The following SPATA31G1 variants were observed in gnomAD, a reference collection of about 807,000 sequenced individuals.
The protein encoded by SPATA31G1 is SPATA31 subfamily G member 1.
At chr9:35,045,939 G>C in the SPATA31G1 span, 2 of 1,488,788 alleles carry the variant, frequency 1.3e-6, no homozygotes, top group Non-Finnish European at 1.8e-6. Flanking sequence ...AGGTGGGGAT[G>C]TGGAGACAAG....
chr9:35,045,940 T>A, the SPATA31G1 span: 3 of 1,489,326 alleles, frequency 2.0e-6, no homozygotes. Flanking sequence ...GGTGGGGATG[T>A]GGAGACAAGA....
the SPATA31G1 span, chr9:35,042,902 G>C: frequency 3.1e-6 from 5 of 1,614,178 alleles, no homozygotes; most frequent in Non-Finnish European, 4.2e-6. Context: ...TTGATCACCT[G>C]TGTAAGCAGA....
At chr9:35,041,158 T>TA in the SPATA31G1 span, 1 of 452,336 alleles carries the variant, frequency 2.2e-6, no homozygotes, top group Non-Finnish European at 4.4e-6. Context: ...CTGAGAAAGG[T>TA]AAAAACACCT....
At chr9:35,043,459 C>T in the SPATA31G1 span, 2 of 1,614,190 alleles carry the variant, frequency 1.2e-6, no homozygotes, top group Non-Finnish European at 1.7e-6. Context: ...CCACCTCCAT[C>T]TTCTCCTTCT....
At chr9:35,042,173 C>T in the SPATA31G1 span, 1 of 1,529,876 alleles carries the variant, frequency 6.5e-7, no homozygotes, top group Non-Finnish European at 8.8e-7. Flanking sequence ...GCTGTTAAGC[C>T]CAGGCCTCTG....
chr9:35,042,759 G>A, the SPATA31G1 span: 1 of 1,465,328 alleles, frequency 6.8e-7, no homozygotes, highest in Non-Finnish European at 9.2e-7. Flanking sequence ...GATTAGGTGA[G>A]TAACTGTCCA....
chr9:35,042,683 T>G, the SPATA31G1 span: 2 of 1,161,120 alleles, frequency 1.7e-6, no homozygotes, highest in Non-Finnish European at 2.4e-6. Context: ...GATCTCCAAA[T>G]GAGGACTGGG....
the SPATA31G1 span, chr9:35,043,319 C>T: frequency 6.2e-7 from 1 of 1,614,214 alleles, no homozygotes; most frequent in East Asian, 2.2e-5. Context: ...CTGTCTTCTT[C>T]AACAAGCTTG....
chr9:35,045,553 C>T, the SPATA31G1 span: 1 of 1,614,184 alleles, frequency 6.2e-7, no homozygotes, highest in Admixed American at 1.7e-5. Flanking sequence ...AACCACCCTG[C>T]CCAGGCCAGA....
At chr9:35,045,428 G>C in the SPATA31G1 span, 5 of 1,614,154 alleles carry the variant, frequency 3.1e-6, no homozygotes, top group Non-Finnish European at 4.2e-6. Flanking sequence ...GCAAGAGAAA[G>C]GACAAGGCTT....
chr9:35,044,193 A>C, the SPATA31G1 span: 2 of 1,614,022 alleles, frequency 1.2e-6, no homozygotes, highest in East Asian at 4.5e-5. Context: ...CACACCTCCA[A>C]CCACCCTTAT....
the SPATA31G1 span, chr9:35,043,686 C>A: frequency 6.2e-7 from 1 of 1,614,100 alleles, no homozygotes; most frequent in Admixed American, 1.7e-5. Flanking sequence ...TCTGTCAGAA[C>A]CCAGAAAAGT....
the SPATA31G1 span, chr9:35,044,652 G>A: frequency 6.2e-7 from 1 of 1,614,108 alleles, no homozygotes; most frequent in Non-Finnish European, 8.5e-7. Context: ...GGAGGCAGTG[G>A]AGCAAAGAAA....
chr9:35,043,098 G>A, the SPATA31G1 span: 1 of 1,614,196 alleles, frequency 6.2e-7, no homozygotes, highest in Non-Finnish European at 8.5e-7. Flanking sequence ...AGAGCAAACA[G>A]TCATGCAGCC....
At chr9:35,045,598 A>G in the SPATA31G1 span, 27 of 1,614,180 alleles carry the variant, frequency 1.7e-5, 1 homozygote, top group Admixed American at 1.8e-4. Context: ...ACATTTCCCC[A>G]AAGGTCTCAA....
chr9:35,045,965 T>C, the SPATA31G1 span: 1 of 1,402,476 alleles, frequency 7.1e-7, no homozygotes, highest in Non-Finnish European at 9.6e-7. Flanking sequence ...GAAATTCTAA[T>C]AAACTAGCTG....
chr9:35,042,785 A>T, the SPATA31G1 span: 8 of 1,541,640 alleles, frequency 5.2e-6, no homozygotes, highest in Middle Eastern at 2.4e-4. Flanking sequence ...GATATGGAGC[A>T]GACTGAGTGC....
chr9:35,045,519 G>C, the SPATA31G1 span: 1 of 1,614,102 alleles, frequency 6.2e-7, no homozygotes, highest in Non-Finnish European at 8.5e-7. Flanking sequence ...TGCAAGGTTG[G>C]GGTTATCCAC....
At chr9:35,042,915 T>C in the SPATA31G1 span, 4 of 1,614,006 alleles carry the variant, frequency 2.5e-6, no homozygotes, top group Non-Finnish European at 3.4e-6. Flanking sequence ...TAAGCAGAAA[T>C]CAGAAGTGGA....
Sources: gnomAD v4.1 joint callset for allele counts on GRCh38, gnomAD v4.1.1 for gene constraint, MANE v1.5 for transcripts, NCBI Gene and HGNC (gene_info 2026-07-23, HGNC 2026-07-21) for gene names.